The following TTLL11 variants were observed in gnomAD, a reference collection of about 807,000 sequenced individuals.
The protein encoded by TTLL11 is tubulin polyglutamylase TTLL11.
A neutral mutation model predicts 51.7 loss-of-function variants in TTLL11; 42 were observed. That is an observed-to-expected ratio of 0.81 (90% CI 0.64 to 1.05). The LOEUF (loss-of-function observed/expected upper bound fraction) is 1.05. Ranked by LOEUF, TTLL11 falls within the 50% of genes least tolerant of loss-of-function variation. The pLI is 0.00. For synonymous variants in TTLL11, 381 were observed against 383.5 expected (o/e 0.99, Z 0.08); for missense variants, 799 against 940.4 (o/e 0.85, Z 1.97).
intron 8 of TTLL11, among the ~76,000 whole-genome samples, chr9:121,830,026 C>G (rs563136079): frequency 6.6e-6 from 1 of 152,324 alleles, no homozygotes; most frequent in East Asian, 1.9e-4. Context: ...TCCCTGTCTT[C>G]TCTACATTCC....
At chr9:121,934,220 C>G (rs1018145840) in intron 6 of TTLL11, among the ~76,000 whole-genome samples, 2 of 132,282 alleles carry the variant, frequency 1.5e-5, no homozygotes, top group Non-Finnish European at 3.2e-5. Flanking sequence ...GCAACAAGAG[C>G]AAAACTCCAT....
intron 2 of TTLL11, among the ~76,000 whole-genome samples, chr9:122,036,072 C>T (rs564411661): frequency 1.1e-4 from 17 of 152,332 alleles, no homozygotes; most frequent in Admixed American, 9.8e-4. Flanking sequence ...TCTCACCCTG[C>T]TGCTCCCTGG....
At chr9:121,862,903 A>T (rs978441111) in intron 7 of TTLL11, among the ~76,000 whole-genome samples, 1 of 152,146 alleles carries the variant, frequency 6.6e-6, no homozygotes, top group South Asian at 2.1e-4. Context: ...TTGATTGGCA[A>T]GCAGGGTTTG....
chr9:121,884,740 T>C (rs1249216943), intron 6 of TTLL11: 2 of 152,238 alleles, frequency 1.3e-5, no homozygotes, highest in African/African-American at 2.4e-5. Flanking sequence ...TATTAATTTC[T>C]CAGCTATGAC....
At chr9:122,022,734 TA>T (rs1484135595) in intron 3 of TTLL11, among the ~76,000 whole-genome samples, 3 of 152,062 alleles carry the variant, frequency 2.0e-5, no homozygotes, top group Non-Finnish European at 4.4e-5. Flanking sequence ...AGTAAATATT[TA>T]AAATTATTTC....
At chr9:121,985,440 CA>C (rs1842917536) in intron 4 of TTLL11, among the ~76,000 whole-genome samples, 1 of 150,692 alleles carries the variant, frequency 6.6e-6, no homozygotes, top group Non-Finnish European at 1.5e-5. Flanking sequence ...GACCCAAACT[CA>C]AAAGTGTTCT....
At chr9:122,078,795 C>T (rs1294745277) in intron 1 of TTLL11, among the ~76,000 whole-genome samples, 1 of 151,350 alleles carries the variant, frequency 6.6e-6, no homozygotes, top group Non-Finnish European at 1.5e-5. Context: ...AGGTCTAAAG[C>T]TCATGCTTAC....
At chr9:121,836,694 GGCAGGGAGAA>G (rs1436947333) in intron 8 of TTLL11, among the ~76,000 whole-genome samples, 1 of 152,208 alleles carries the variant, frequency 6.6e-6, no homozygotes, top group Admixed American at 6.5e-5. Context: ...TCTGATGCAG[GGCAGGGAGAA>G]GCAGGGAGAG....
At chr9:122,046,820 C>G (rs1316390509) in intron 1 of TTLL11, among the ~76,000 whole-genome samples, 2 of 152,090 alleles carry the variant, frequency 1.3e-5, no homozygotes, top group Non-Finnish European at 2.9e-5. Flanking sequence ...GCGAGGAGAA[C>G]CAACCAAGAT....
intron 8 of TTLL11, among the ~76,000 whole-genome samples, chr9:121,833,387 G>A (rs980303787): frequency 7.9e-5 from 12 of 152,168 alleles, no homozygotes; most frequent in Non-Finnish European, 1.2e-4. Flanking sequence ...CTCCACTCCC[G>A]GGAAGGCATC....
intron 1 of TTLL11, among the ~76,000 whole-genome samples, chr9:122,076,741 C>T (rs1431087419): frequency 1.4e-5 from 2 of 147,848 alleles, no homozygotes; most frequent in Non-Finnish European, 3.0e-5. Context: ...AGGCCTAACA[C>T]CTAAATCAGA....
chr9:122,061,608 G>C (rs1477460237), intron 1 of TTLL11, among the ~76,000 whole-genome samples: 2 of 152,080 alleles, frequency 1.3e-5, no homozygotes, highest in Non-Finnish European at 2.9e-5. Context: ...TTCATGATTA[G>C]ACTAGTAAGA....
intron 6 of TTLL11, 53 bp downstream of exon 6, chr9:121,973,956 G>T: frequency 7.3e-7 from 1 of 1,376,024 alleles, no homozygotes; most frequent in Non-Finnish European, 1.0e-6. Flanking sequence ...AGGATACGAA[G>T]CCGGGTTAGG....
chr9:121,852,635 C>T lies in TTLL11; in HGVS notation c.1840+7702G>A, dbSNP rs373690354. ...CTGAGGATGAGGAAGGACAGGCACT[C>T]GCCCGACAAAGGGGCAGCGGGTGTG... On this transcript the variant is annotated intron_variant, in intron 8 of 8. Coordinates refer to ENST00000321582, the MANE Select transcript of TTLL11 (RefSeq NM_001139442.2). 2.0e-4 allele frequency among the ~76,000 whole-genome samples: 31 copies of T among 152,266 alleles called. No homozygotes were observed. In the East Asian group the frequency reaches 4.4e-3, roughly 22 times the overall value.
intron 8 of TTLL11, among the ~76,000 whole-genome samples, chr9:121,854,946 T>C (rs778529833): frequency 9.9e-5 from 15 of 152,232 alleles, no homozygotes; most frequent in Admixed American, 5.9e-4. Flanking sequence ...AAATGACAAT[T>C]AACATTGGCA....
chr9:121,931,596 A>G (rs1322518636), intron 6 of TTLL11, among the ~76,000 whole-genome samples: 1 of 151,152 alleles, frequency 6.6e-6, no homozygotes, highest in African/African-American at 2.4e-5. Context: ...AAAAAAAAAA[A>G]AAAAAAAAAG....
At chr9:121,944,642 C>T (rs1841602167) in intron 6 of TTLL11, among the ~76,000 whole-genome samples, 1 of 151,988 alleles carries the variant, frequency 6.6e-6, no homozygotes, top group Non-Finnish European at 1.5e-5. Flanking sequence ...AACAAAAATA[C>T]AAATTCCTAT....
intron 6 of TTLL11, among the ~76,000 whole-genome samples, chr9:121,896,889 C>G (rs370916462): frequency 2.0e-5 from 3 of 152,316 alleles, no homozygotes; most frequent in African/African-American, 2.4e-5. Context: ...CACGAACCAG[C>G]CGCGCACTAC....
chr9:121,849,182 T>C (rs888832442), intron 8 of TTLL11, among the ~76,000 whole-genome samples: 3 of 152,250 alleles, frequency 2.0e-5, no homozygotes, highest in African/African-American at 4.8e-5. Context: ...GCTGGCACAA[T>C]TGTGCATCAA....
Sources: gnomAD v4.1 joint callset for allele counts (sites outside exome capture counted in the v4.1 genomes callset) on GRCh38, gnomAD v4.1.1 for gene constraint, MANE v1.5 for transcripts, NCBI Gene and HGNC (gene_info 2026-07-23, HGNC 2026-07-21) for gene names.